TEX11: variants seen among roughly 807,000 people sequenced by gnomAD.
TEX11 encodes testis-expressed protein 11.
Under a neutral mutation model 84.4 loss-of-function variants are expected in TEX11, and 7 were observed. The ratio of observed to expected loss-of-function variants is 0.08; its 90% confidence interval spans 0.05 to 0.16. TEX11 has a LOEUF of 0.16. Ranked by LOEUF, TEX11 falls within the 10% of genes least tolerant of loss-of-function variation. The probability of loss-of-function intolerance (pLI) is 1.00; values close to 1 mark genes in which losing one functional copy is unlikely to be tolerated. For missense variants in TEX11, 551 were observed against 660.5 expected (o/e 0.83, Z 1.82); for synonymous variants, 264 against 222.8 (o/e 1.18, Z -1.64).
At chrX:70,761,017 C>A (rs1222092919) in intron 9 of TEX11, among the ~76,000 whole-genome samples, 1 of 112,217 alleles carries the variant, frequency 8.9e-6, no homozygotes, top group African/African-American at 3.2e-5. Context: ...ACATGCTCAT[C>A]ATCACTGGCC....
intron 1 of TEX11, 102 bp from the exon 2 acceptor site, chrX:70,907,912 G>A: frequency 3.6e-6 from 2 of 558,284 alleles, no homozygotes; most frequent in Admixed American, 3.4e-5. Flanking sequence ...TCCAAAGGGA[G>A]AAAAAAAGGC....
intron 13 of TEX11, 76 bp downstream of exon 13, chrX:70,722,542 T>A (rs2090567947): frequency 1.2e-6 from 1 of 834,479 alleles, no homozygotes; most frequent in South Asian, 2.3e-5. Flanking sequence ...CTCCAAGTGC[T>A]GGGATTCTAG....
chrX:70,711,131 T>G (rs774867650), intron 13 of TEX11, among the ~76,000 whole-genome samples: 90 of 111,639 alleles, frequency 8.1e-4, no homozygotes, highest in African/African-American at 2.8e-3. Context: ...TCCTTTTTTA[T>G]GCCTGCATAG....
intron 9 of TEX11, among the ~76,000 whole-genome samples, chrX:70,755,140 C>T (rs890291835): frequency 2.7e-5 from 3 of 112,029 alleles, no homozygotes; most frequent in Non-Finnish European, 3.8e-5. Flanking sequence ...GCACCAGAAA[C>T]CAATCCTGGA....
chrX:70,669,702 TA>T (rs2090005954), intron 16 of TEX11, among the ~76,000 whole-genome samples: 1 of 112,979 alleles, frequency 8.9e-6, no homozygotes. Context: ...GACCTGTCAT[TA>T]AAACTTGAAA....
intron 25 of TEX11, among the ~76,000 whole-genome samples, chrX:70,563,372 A>G (rs1178883185): frequency 1.8e-5 from 2 of 112,164 alleles, no homozygotes; most frequent in Non-Finnish European, 3.8e-5. Context: ...CTATTTCTGA[A>G]ATAGTTGATC....
intron 9 of TEX11, among the ~76,000 whole-genome samples, chrX:70,789,546 C>G (rs2091105797): frequency 1.8e-5 from 2 of 111,761 alleles, no homozygotes; most frequent in South Asian, 7.5e-4. Context: ...GAGCCGAGAG[C>G]AAGACTCTGT....
intron 20 of TEX11, among the ~76,000 whole-genome samples, chrX:70,614,840 G>A (rs1056133724): frequency 2.7e-5 from 3 of 109,147 alleles, no homozygotes; most frequent in Non-Finnish European, 3.8e-5. Flanking sequence ...GAGAAAGAGC[G>A]AGAGAGAGAG....
chrX:70,873,988 C>G (rs1416946918), intron 3 of TEX11, among the ~76,000 whole-genome samples: 1 of 111,202 alleles, frequency 9.0e-6, no homozygotes, highest in African/African-American at 3.3e-5. Flanking sequence ...GGGGATGGAT[C>G]CCTCATTGTC....
At chrX:70,533,303 G>A (rs1340979997) in intron 28 of TEX11, among the ~76,000 whole-genome samples, 2 of 15,175 alleles carry the variant, frequency 1.3e-4, no homozygotes, top group African/African-American at 2.5e-4. Context: ...CATGTTTCTG[G>A]GGATAAGGGA....
intron 9 of TEX11, among the ~76,000 whole-genome samples, chrX:70,759,802 T>A (rs2090896205): frequency 9.0e-6 from 1 of 111,372 alleles, no homozygotes; most frequent in South Asian, 3.8e-4. Context: ...AGTATTCAAT[T>A]AGGAAAAGAG....
chrX:70,722,334 C>G (rs1192140139), intron 13 of TEX11, among the ~76,000 whole-genome samples: 2 of 112,291 alleles, frequency 1.8e-5, no homozygotes, highest in African/African-American at 6.5e-5. Flanking sequence ...TGCAGTGGCA[C>G]TATCATAGTT....
In TEX11 at chrX:70,579,525, A is replaced by AC. The variant is rs375052271; in HGVS notation, c.2140+12225_2140+12226insG. Among the ~76,000 whole-genome samples, 286 of 29,821 alleles carry AC rather than the reference A, an allele frequency of 9.6e-3. 3 individuals are homozygous for AC. Among genetic ancestry groups the AC allele is most frequent in the African/African-American group, 0.016 (266 of 17,088 alleles). The allele number at this position is 29,821 out of a possible 115,157, so 25.9% of individuals were successfully genotyped here. On this transcript the variant is annotated intron_variant, in intron 25 of 29. Coordinates refer to ENST00000374333, the MANE Select transcript of TEX11 (RefSeq NM_031276.3). ...AACAAAAAAACAAAAAAAACAAAAA[A>AC]AAAAAAAAACAAAAAAGAAACTGAA...
intron 15 of TEX11, among the ~76,000 whole-genome samples, chrX:70,672,670 T>C (rs2090035994): frequency 1.8e-5 from 2 of 111,870 alleles, no homozygotes; most frequent in East Asian, 2.8e-4. Flanking sequence ...TTCATATCCT[T>C]TGCTAATTTT....
chrX:70,519,439 C>T, the TEX11 span, among the ~76,000 whole-genome samples: 1 of 112,110 alleles, frequency 8.9e-6, no homozygotes, highest in African/African-American at 3.2e-5. Flanking sequence ...TGAATATTGG[C>T]CCCCACTCTC....
chrX:70,754,739 G>A (rs1198881629), intron 9 of TEX11, among the ~76,000 whole-genome samples: 3 of 109,685 alleles, frequency 2.7e-5, no homozygotes, highest in East Asian at 5.9e-4. Flanking sequence ...TAGCTCAGGA[G>A]AGAGAGAGAG....
At chrX:70,513,444 T>C in the TEX11 span, among the ~76,000 whole-genome samples, 1 of 105,775 alleles carries the variant, frequency 9.5e-6, no homozygotes, top group South Asian at 4.0e-4. Flanking sequence ...TAATGAAATA[T>C]ATATATAATG....
intron 16 of TEX11, among the ~76,000 whole-genome samples, chrX:70,654,068 T>C (rs933947593): frequency 3.6e-5 from 4 of 111,053 alleles, no homozygotes; most frequent in African/African-American, 1.3e-4. Context: ...CCACAGGGGG[T>C]TGAACTATTC....
At chrX:70,537,954 C>T (rs1416415211) in intron 28 of TEX11, among the ~76,000 whole-genome samples, 1 of 111,075 alleles carries the variant, frequency 9.0e-6, no homozygotes, top group Non-Finnish European at 1.9e-5. Context: ...GAAGAGAAGC[C>T]GTAGGAAGGT....
Sources: gnomAD v4.1 joint callset for allele counts (sites outside exome capture counted in the v4.1 genomes callset) on GRCh38, gnomAD v4.1.1 for gene constraint, MANE v1.5 for transcripts, NCBI Gene and HGNC (gene_info 2026-07-23, HGNC 2026-07-21) for gene names.